The following RGS5 variants were observed in gnomAD, a reference collection of about 807,000 sequenced individuals.
RGS5 encodes regulator of G-protein signalling 5.
A neutral mutation model predicts 18.9 loss-of-function variants in RGS5; 20 were observed. The observed-to-expected ratio is 1.06, with a 90% CI of 0.74 to 1.54. RGS5 has a LOEUF of 1.54. Among genes scored for constraint, RGS5 ranks in the 40% most tolerant of loss-of-function variants. The pLI is 0.00. For synonymous variants in RGS5, 57 were observed against 76.2 expected (o/e 0.75, Z 1.31); for missense variants, 201 against 211.8 (o/e 0.95, Z 0.32).
chr1:163,185,362 G>A (rs983461912), intron 1 of RGS5, among the ~76,000 whole-genome samples: 3 of 152,052 alleles, frequency 2.0e-5, no homozygotes, highest in Non-Finnish European at 2.9e-5. Context: ...GGAAGATCAG[G>A]GCTTTTGACT....
Position 163,144,851 on chromosome 1 carries a change from ATGTT to A in RGS5, c.*2487_*2490del. On this transcript the variant is annotated 3_prime_UTR_variant, in exon 5 of 5. Coordinates refer to ENST00000313961, the MANE Select transcript of RGS5 (RefSeq NM_003617.4). ...AGAAATTTTCTTGAACAATTTTAAT[ATGTT>A]TGATTTCTCATTTGGGGCTGGAATA... The A allele has an allele frequency of 6.6e-6, 1 of 152,466 alleles. No homozygotes were observed. The highest frequency in any genetic ancestry group is 1.5e-5 in the Non-Finnish European group (1 of 67,982). The allele number at this position is 152,466 out of a possible 1,614,324, so 9.4% of individuals were successfully genotyped here. A position where few individuals can be genotyped will look rare whatever the true frequency, so the allele number is the denominator to read the frequency against.
chr1:163,275,659 AT>A (rs974087599), intron 2 of RGS5, among the ~76,000 whole-genome samples: 2 of 152,104 alleles, frequency 1.3e-5, no homozygotes, highest in East Asian at 1.9e-4. Context: ...TGAAATGGTT[AT>A]TTTTTTACAT....
At chr1:163,205,261 T>C (rs572682476), upstream of RGS5, among the ~76,000 whole-genome samples, 34 of 150,302 alleles carry the variant, frequency 2.3e-4, no homozygotes, top group Non-Finnish European at 4.0e-4. Context: ...CTATACAACA[T>C]TGTGCCCATA....
chr1:163,189,548 T>C (rs943293186), intron 1 of RGS5, among the ~76,000 whole-genome samples: 3 of 152,182 alleles, frequency 2.0e-5, no homozygotes, highest in Non-Finnish European at 4.4e-5. Context: ...TACAACACTG[T>C]CAAAGTTGGT....
rs148696375 is a variant in RGS5, at chr1:163,264,653, A to G, written c.-281+41580T>C. 5.0e-3 allele frequency among the ~76,000 whole-genome samples: 757 copies of G among 152,254 alleles called. 2 individuals are homozygous for G. The highest frequency in any genetic ancestry group is 7.7e-3 in the Admixed American group (118 of 15,288). Reference sequence around the variant, plus strand: ...CTTCTTCCACTTTAATAATTTAAACACATTGCTGAATCTGGACCTTGGAGT... The same window carrying G: ...CTTCTTCCACTTTAATAATTTAAACGCATTGCTGAATCTGGACCTTGGAGT... On this transcript the variant is annotated intron_variant, in intron 2 of 5. Coordinates refer to the RGS5 transcript ENST00000618415.
intron 2 of RGS5, chr1:163,304,412 C>G (rs1649642202): frequency 6.6e-6 from 1 of 152,120 alleles, no homozygotes; most frequent in Non-Finnish European, 1.5e-5. Context: ...GAAAACAGCT[C>G]GAGAAACTAA....
chr1:163,302,568 CT>C (rs1266511398), intron 2 of RGS5, among the ~76,000 whole-genome samples: 1 of 152,162 alleles, frequency 6.6e-6, no homozygotes, highest in Non-Finnish European at 1.5e-5. Context: ...AAATCAAATT[CT>C]TTTGCTTATT....
At chr1:163,268,509 A>G (rs1648630181) in intron 2 of RGS5, among the ~76,000 whole-genome samples, 1 of 152,046 alleles carries the variant, frequency 6.6e-6, no homozygotes, top group Non-Finnish European at 1.5e-5. Flanking sequence ...ATTCCTAGAG[A>G]AAGCAAACTC....
chr1:163,244,482 G>A (rs985608898), intron 2 of RGS5: 3 of 152,106 alleles, frequency 2.0e-5, no homozygotes, highest in African/African-American at 7.2e-5. Flanking sequence ...TCTATGACTC[G>A]TGAAGAAAAC....
intron 1 of RGS5, among the ~76,000 whole-genome samples, chr1:163,171,336 C>T (rs1368365819): frequency 1.3e-5 from 2 of 152,124 alleles, no homozygotes; most frequent in Non-Finnish European, 2.9e-5. Flanking sequence ...CACAGTATCC[C>T]ACCCAGTCCG....
At chr1:163,186,591 A>AG (rs892285772) in intron 1 of RGS5, among the ~76,000 whole-genome samples, 2 of 140,156 alleles carry the variant, frequency 1.4e-5, no homozygotes, top group Admixed American at 6.9e-5. Context: ...AAAAAAAAAA[A>AG]AAAAAAGAAA....
At chr1:163,304,398 G>T (rs189531576) in intron 2 of RGS5, 25 of 152,280 alleles carry the variant, frequency 1.6e-4, no homozygotes, top group African/African-American at 6.0e-4. Context: ...TGCTCACCAG[G>T]TGGGAAAACA....
At chr1:163,277,019 G>A (rs1648874331) in intron 2 of RGS5, among the ~76,000 whole-genome samples, 1 of 152,146 alleles carries the variant, frequency 6.6e-6, no homozygotes, top group Non-Finnish European at 1.5e-5. Context: ...AAGACCTTTA[G>A]TCTGATAAGA....
chr1:163,266,338 C>CCT (rs1462837464), intron 2 of RGS5, among the ~76,000 whole-genome samples: 1 of 152,108 alleles, frequency 6.6e-6, no homozygotes, highest in East Asian at 1.9e-4. Context: ...TTAGTTCGGG[C>CCT]CTCATCATCT....
upstream of RGS5, among the ~76,000 whole-genome samples, chr1:163,220,340 C>T (rs769667503): frequency 1.3e-5 from 2 of 151,938 alleles, no homozygotes; most frequent in Non-Finnish European, 2.9e-5. Flanking sequence ...CTCTCAATAT[C>T]GATATAACAC....
In RGS5 at chr1:163,144,985, A is replaced by G. The variant is rs1216361790; in HGVS notation, c.*2357T>C. The G allele has an allele frequency of 1.3e-5, 2 of 152,192 alleles. No homozygotes were observed. The highest frequency in any genetic ancestry group is 3.9e-4 in the East Asian group (2 of 5,190). 9.4% of individuals were successfully genotyped at this position (152,192 alleles called of 1,614,324 possible). Reference sequence around the variant, plus strand: ...ATTATATAGATGTAGATATAGATAGATAGATATATGTAGATATATAGATAT... The same window carrying G: ...ATTATATAGATGTAGATATAGATAGGTAGATATATGTAGATATATAGATAT... On this transcript the variant is annotated 3_prime_UTR_variant, in exon 5 of 5. Transcript: ENST00000313961.
chr1:163,236,028 T>C (rs756745375), intron 2 of RGS5, among the ~76,000 whole-genome samples: 1 of 152,232 alleles, frequency 6.6e-6, no homozygotes, highest in Non-Finnish European at 1.5e-5. Flanking sequence ...ATTCTGAGAC[T>C]ATCTCTTACT....
chr1:163,149,206 T>C (rs1219020932), intron 4 of RGS5, among the ~76,000 whole-genome samples: 1 of 152,206 alleles, frequency 6.6e-6, no homozygotes, highest in Non-Finnish European at 1.5e-5. Flanking sequence ...ATGTCTGCCT[T>C]TAAATGTGAA....
At chr1:163,197,424 C>T (rs1032779832) in intron 1 of RGS5, among the ~76,000 whole-genome samples, 4 of 152,168 alleles carry the variant, frequency 2.6e-5, no homozygotes, top group African/African-American at 9.6e-5. Flanking sequence ...CCGCCTACCA[C>T]CCCAACTTCT....
Sources: allele counts gnomAD v4.1 joint callset (sites outside exome capture counted in the v4.1 genomes callset), GRCh38; gene constraint gnomAD v4.1.1; transcripts MANE v1.5; gene names NCBI Gene and HGNC (gene_info 2026-07-23, HGNC 2026-07-21).